PPM1D: variants seen among roughly 807,000 people sequenced by gnomAD.
PPM1D encodes protein phosphatase, Mg2+/Mn2+ dependent 1D.
A neutral mutation model predicts 58.3 loss-of-function variants in PPM1D; 52 were observed. That is an observed-to-expected ratio of 0.89 (90% CI 0.71 to 1.12). The LOEUF is 1.12. Among genes scored for constraint, PPM1D ranks in the 50% most tolerant of loss-of-function variants. The probability of loss-of-function intolerance (pLI) is 0.00; values close to 1 mark genes in which losing one functional copy is unlikely to be tolerated. For missense variants in PPM1D, 564 were observed against 777.2 expected (o/e 0.73, Z 3.26); for synonymous variants, 278 against 285.1 (o/e 0.98, Z 0.25).
In PPM1D at chr17:60,663,200, C is replaced by G. The variant is rs374024218; in HGVS notation, c.1466C>G (p.Ser489Cys). The change falls in exon 6 of 6, where the codon TCT becomes TGT. Residue 489 changes from serine to cysteine, a missense_variant. Ser to Cys is a moderately radical substitution (Grantham distance 112). Around this residue, in one of 7 missense-constraint regions of PPM1D, gnomAD observed 261 missense variants for 270.1 expected, o/e 0.97. Coordinates refer to ENST00000305921, the MANE Select transcript of PPM1D (RefSeq NM_003620.4). ...AKALTLRIHD[S>C]LNNSLPIGLV... ...GCCCTGACTTTAAGGATACATGATT[C>G]TTTGAATAATAGCCTTCCAATTGGC... is the stretch of plus-strand genomic sequence containing the variant. The G allele has an allele frequency of 3.7e-6, 6 of 1,614,130 alleles. No homozygotes were observed. Among genetic ancestry groups the G allele is most frequent in the Non-Finnish European group, 5.1e-6 (6 of 1,179,994 alleles).
In PPM1D at chr17:60,663,177, C is replaced by G. The variant is rs769818054; in HGVS notation, c.1443C>G (p.Ala481=). The change falls in exon 6 of 6, where the codon GCC becomes GCG. Residue 481 remains alanine (A), a synonymous_variant. Coordinates refer to ENST00000305921, the MANE Select transcript of PPM1D (RefSeq NM_003620.4). ...CACTTGAAGAAAATTGCGCTAAAGC[C>G]CTGACTTTAAGGATACATGATTCTT... ...PEPLEENCAK[A]LTLRIHDSLN... 10 of 1,614,098 alleles carry G rather than the reference C, an allele frequency of 6.2e-6. No individual in the cohort carries two copies. The South Asian group carries it at 1.1e-4, about 18-fold the overall frequency.
chr17:60,646,454 A>G (rs557299172), intron 3 of PPM1D, among the ~76,000 whole-genome samples: 1 of 152,310 alleles, frequency 6.6e-6, no homozygotes, highest in South Asian at 2.1e-4. Flanking sequence ...GGGGACAAAA[A>G]TTGTTTAACC....
chr17:60,652,550 GTTTT>G (rs776162517), intron 4 of PPM1D, among the ~76,000 whole-genome samples: 1,741 of 67,516 alleles, frequency 0.026, 2 homozygotes, highest in Middle Eastern at 0.052. Flanking sequence ...GTTTACTTCT[GTTTT>G]TTTTTTTTTT....
chr17:60,623,413 G>A, intron 1 of PPM1D, 108 bp from the exon 2 acceptor site: 1 of 1,065,934 alleles, frequency 9.4e-7, no homozygotes, highest in Non-Finnish European at 1.3e-6. Flanking sequence ...TGTTTCCTGT[G>A]CTAATTCGAA....
chr17:60,645,452 A>ATG lies in PPM1D; in HGVS notation c.827-2439_827-2438insGT, dbSNP rs1381482637. On this transcript the variant is annotated intron_variant, in intron 3 of 5. Transcript: ENST00000305921. ...TGGTTTCACCAAAGCAATGTAAAAT[A>ATG]TATATGTGTGTGTGTGTGTGTGTGT... Among the ~76,000 whole-genome samples the ATG allele has an allele frequency of 5.5e-3, 599 of 108,326 alleles. 28 individuals are homozygous for ATG. The Admixed American group carries it at 0.059, about 11-fold the overall frequency. 71.1% of individuals were successfully genotyped at this position (108,326 alleles called of 152,430 possible).
At position 60,663,935 on chromosome 17, in the gene PPM1D, G is replaced by A. The variant is rs1210288396; in HGVS notation, c.*383G>A. 3 of 162,064 alleles carry A rather than the reference G, an allele frequency of 1.9e-5. No homozygotes were observed. The highest frequency in any genetic ancestry group is 7.2e-5 in the African/African-American group (3 of 41,512). 10.0% of individuals were successfully genotyped at this position (162,064 alleles called of 1,614,324 possible). ...AATACTTATTAAAAAATTTGTATAAGCCACTTGTCTTGAAAACTGTGCAAC... is the reference window on the plus strand; with the variant it reads ...AATACTTATTAAAAAATTTGTATAAACCACTTGTCTTGAAAACTGTGCAAC... On this transcript the variant is annotated 3_prime_UTR_variant, in exon 6 of 6. Coordinates refer to ENST00000305921, the MANE Select transcript of PPM1D (RefSeq NM_003620.4).
At chr17:60,654,345 C>G (rs1457167900) in intron 4 of PPM1D, among the ~76,000 whole-genome samples, 17 of 139,004 alleles carry the variant, frequency 1.2e-4, no homozygotes, top group Admixed American at 2.1e-4. Flanking sequence ...GATCCCGGCT[C>G]ACTGCAGCCT....
At chr17:60,653,448 A>G (rs1410045686) in intron 4 of PPM1D, among the ~76,000 whole-genome samples, 1 of 152,118 alleles carries the variant, frequency 6.6e-6, no homozygotes, top group African/African-American at 2.4e-5. Flanking sequence ...GCCCTCTAGT[A>G]TAGTTTTGAA....
Position 60,600,703 on chromosome 17 carries a change from T to G in PPM1D, c.289T>G (p.Ser97Ala). The G allele has an allele frequency of 6.2e-7, 1 of 1,605,654 alleles. No individual in the cohort carries two copies. Among genetic ancestry groups the G allele is most frequent in the African/African-American group, 1.3e-5 (1 of 74,396 alleles). ...TAGCCGCTGCTGCCGCCGCCGTTCC[T>G]CCGTGGCCTTTTTCGCCGTGTGCGA... ...APSRCCRRRS[S>A]VAFFAVCDGH... Residue 97 changes from serine (S) to alanine (A), a missense_variant, in exon 1 of 6, where the codon TCC becomes GCC. Physicochemically the swap from Ser to Ala is moderately conservative, Grantham distance 99. Around this residue, in one of 7 missense-constraint regions of PPM1D, gnomAD observed 132 missense variants for 150.4 expected, o/e 0.88. Coordinates refer to ENST00000305921, the MANE Select transcript of PPM1D (RefSeq NM_003620.4).
intron 1 of PPM1D, among the ~76,000 whole-genome samples, chr17:60,622,798 A>G (rs1041741938): frequency 6.6e-6 from 1 of 152,242 alleles, no homozygotes; most frequent in Non-Finnish European, 1.5e-5. Context: ...CAAAATAGTT[A>G]TTTCAAAAAC....
At chr17:60,613,604 A>G (rs2030506785) in intron 1 of PPM1D, among the ~76,000 whole-genome samples, 1 of 152,044 alleles carries the variant, frequency 6.6e-6, no homozygotes, top group Non-Finnish European at 1.5e-5. Flanking sequence ...GCTTGTGGGG[A>G]GGTGTGGAGG....
chr17:60,618,731 T>G (rs1436480184), intron 1 of PPM1D, among the ~76,000 whole-genome samples: 2 of 152,198 alleles, frequency 1.3e-5, no homozygotes, highest in Non-Finnish European at 2.9e-5. Context: ...TTCTCTGTGT[T>G]GTTTTTATTC....
chr17:60,654,880 AAAG>A (rs1476276819), intron 4 of PPM1D, among the ~76,000 whole-genome samples: 4 of 151,870 alleles, frequency 2.6e-5, no homozygotes, highest in Admixed American at 2.6e-4. Context: ...AAAAAAAAAA[AAAG>A]AAAGAAAAGA....
At position 60,600,753 on chromosome 17, in the gene PPM1D, A is replaced by G. The variant is rs1173657923; in HGVS notation, c.339A>G (p.Ala113=). Residue 113 remains alanine (A), a synonymous_variant, in exon 1 of 6, where the codon GCA becomes GCG. Transcript: ENST00000305921. ...VCDGHGGREA[A]QFAREHLWGF... is the part of the protein sequence containing the mutation. ...ACGGGCACGGCGGGCGGGAGGCGGC[A>G]CAGTTTGCCCGGGAGCACTTGTGGG... 1.2e-6 allele frequency: 2 copies of G among 1,611,936 alleles called. No homozygotes were observed. Among genetic ancestry groups the G allele is most frequent in the Admixed American group, 1.7e-5 (1 of 59,942 alleles).
chr17:60,647,743 A>C, intron 3 of PPM1D, 149 bp from the exon 4 acceptor site: 2 of 720,822 alleles, frequency 2.8e-6, no homozygotes, highest in Non-Finnish European at 4.4e-6. Flanking sequence ...GTTTGCTAGG[A>C]AATCTTATCA....
At chr17:60,648,402 T>A (rs2031285891) in intron 4 of PPM1D, among the ~76,000 whole-genome samples, 1 of 143,414 alleles carries the variant, frequency 7.0e-6, no homozygotes, top group African/African-American at 3.0e-5. Context: ...TTTTTTTTTT[T>A]GAGACGGAGT....
rs773318995 is a variant in PPM1D at position 60,626,038 on chromosome 17, GA to G, written c.701+2290del. 1.1e-3 allele frequency among the ~76,000 whole-genome samples: 161 copies of G among 152,176 alleles called. 1 individual carries two copies. Among genetic ancestry groups the G allele is most frequent in the Middle Eastern group, 3.4e-3 (1 of 294 alleles). On this transcript the variant is annotated intron_variant, in intron 2 of 5. Coordinates refer to ENST00000305921, the MANE Select transcript of PPM1D (RefSeq NM_003620.4). Reference sequence around the variant, plus strand: ...TTCATATACAATCAAATATATTATGGAGCTGTACCATGTACAGATGTACCGT... The same window carrying G: ...TTCATATACAATCAAATATATTATGGGCTGTACCATGTACAGATGTACCGT...
chr17:60,647,711 A>G (rs907342767), intron 3 of PPM1D, among the ~76,000 whole-genome samples, 181 bp from the exon 4 acceptor site: 1 of 152,206 alleles, frequency 6.6e-6, no homozygotes, highest in African/African-American at 2.4e-5. Flanking sequence ...TATCAGGTTA[A>G]GGGAGTTCCC....
Position 60,600,261 on chromosome 17 carries a change from A to C in PPM1D, c.-154A>C, listed in dbSNP as rs577443569. On this transcript the variant is annotated 5_prime_UTR_variant, in exon 1 of 6. Coordinates refer to ENST00000305921, the MANE Select transcript of PPM1D (RefSeq NM_003620.4). ...CGGCCCAGCTCTCGCGGACAAGTCCAGACATCGCGCGCCCCCCCTTCTCCG... is the reference window on the plus strand; with the variant it reads ...CGGCCCAGCTCTCGCGGACAAGTCCCGACATCGCGCGCCCCCCCTTCTCCG... 19 of 1,389,538 alleles carry C rather than the reference A, an allele frequency of 1.4e-5. No homozygotes were observed. The South Asian group carries it at 2.2e-4, about 16-fold the overall frequency. The allele number at this position is 1,389,538 out of a possible 1,614,324, so 86.1% of individuals were successfully genotyped here.
Sources: gnomAD v4.1 joint callset for allele counts (sites outside exome capture counted in the v4.1 genomes callset) on GRCh38, gnomAD v4.1.1 for gene constraint, gnomAD v4.1.1 regional missense constraint, MANE v1.5 for transcripts, NCBI Gene and HGNC (gene_info 2026-07-23, HGNC 2026-07-21) for gene names.